USP33: variants seen among roughly 807,000 people sequenced by gnomAD.
The protein encoded by USP33 is ubiquitin carboxyl-terminal hydrolase 33.
Under a neutral mutation model 124.2 loss-of-function variants are expected in USP33, and 46 were observed. The observed-to-expected ratio is 0.37, with a 90% CI of 0.29 to 0.47. USP33 has a LOEUF of 0.47. USP33 is among the 20% of genes least tolerant of loss of function. The probability of loss-of-function intolerance (pLI) is 0.99; values close to 1 mark genes in which losing one functional copy is unlikely to be tolerated. For synonymous variants in USP33, 350 were observed against 352.3 expected (o/e 0.99, Z 0.07); for missense variants, 851 against 1,070.6 (o/e 0.79, Z 2.86).
At chr1:77,712,621 G>GAGCCCAGGAGTTCAAGATC (rs925903232) in intron 20 of USP33, among the ~76,000 whole-genome samples, 2 of 152,104 alleles carry the variant, frequency 1.3e-5, no homozygotes, top group African/African-American at 4.8e-5. Context: ...CACATGGCTT[G>GAGCCCAGGAGTTCAAGATC]AGCCCAGGAG....
chr1:77,718,568 A>AT (rs1557831584), intron 16 of USP33, 28 bp downstream of exon 16: 1 of 1,537,420 alleles, frequency 6.5e-7, no homozygotes, highest in South Asian at 1.2e-5. Flanking sequence ...ACCACACAAT[A>AT]TAAGTTGAAT....
chr1:77,729,268 T>C (rs1223783890), intron 9 of USP33, among the ~76,000 whole-genome samples: 4 of 151,640 alleles, frequency 2.6e-5, no homozygotes, highest in African/African-American at 9.7e-5. Flanking sequence ...TGCAGGGGCT[T>C]ATGCTTGTAA....
chr1:77,742,524 G>A (rs1570843374), intron 1 of USP33, among the ~76,000 whole-genome samples: 2 of 152,082 alleles, frequency 1.3e-5, no homozygotes, highest in East Asian at 3.9e-4. Flanking sequence ...CCTGAAATAG[G>A]CACCATTATT....
chr1:77,744,587 T>G (rs1023333420), intron 1 of USP33, among the ~76,000 whole-genome samples: 5 of 152,198 alleles, frequency 3.3e-5, no homozygotes, highest in Admixed American at 6.5e-5. Context: ...CTAATGCCTA[T>G]AATCCCAGCA....
intron 1 of USP33, chr1:77,745,757 T>G (rs572635021): frequency 4.7e-4 from 72 of 152,278 alleles, no homozygotes; most frequent in African/African-American, 1.7e-3. Flanking sequence ...ACATGGAAAC[T>G]GAACAACCTG....
In USP33 at chr1:77,717,973, A is replaced by G; in HGVS notation, c.1812T>C (p.Phe604=). The G allele has an allele frequency of 6.2e-7, 1 of 1,614,084 alleles. No homozygotes were observed. Among genetic ancestry groups the G allele is most frequent in the Non-Finnish European group, 8.5e-7 (1 of 1,179,966 alleles). ...FSTKISTHVS[F]PLEGLDLQPF... is the part of the protein sequence containing the mutation. ...GCTGAAGATCCAAGCCTTCTAGCGGAAATGAAACATGGGTACTGATTTTGG... is the reference window on the plus strand; with the variant it reads ...GCTGAAGATCCAAGCCTTCTAGCGGGAATGAAACATGGGTACTGATTTTGG... Residue 604 remains phenylalanine (F), a synonymous_variant, in exon 17 of 24, where the codon TTT becomes TTC. Coordinates refer to ENST00000370794, the MANE Select transcript of USP33 (RefSeq NM_201624.3).
chr1:77,740,534 TTA>T (rs1193423088), intron 4 of USP33, among the ~76,000 whole-genome samples: 3 of 152,122 alleles, frequency 2.0e-5, no homozygotes, highest in African/African-American at 7.2e-5. Flanking sequence ...TTTTGTACTT[TTA>T]ATAGAGACAG....
chr1:77,740,222 G>C (rs1345961801), intron 4 of USP33, among the ~76,000 whole-genome samples: 1 of 152,156 alleles, frequency 6.6e-6, no homozygotes, highest in Non-Finnish European at 1.5e-5. Flanking sequence ...CTATGTGCAG[G>C]AAAAGGCAAT....
At chr1:77,724,079 C>G (rs1313472210) in intron 11 of USP33, among the ~76,000 whole-genome samples, 2 of 151,842 alleles carry the variant, frequency 1.3e-5, no homozygotes, top group African/African-American at 4.8e-5. Flanking sequence ...GGGATGTTTA[C>G]TTAAATGTTT....
chr1:77,748,235 T>C (rs996748982), intron 1 of USP33, among the ~76,000 whole-genome samples: 2 of 152,224 alleles, frequency 1.3e-5, no homozygotes, highest in African/African-American at 2.4e-5. Flanking sequence ...TTTAATGCAT[T>C]TACCAGAACC....
intron 11 of USP33, 102 bp downstream of exon 11, chr1:77,725,520 A>G: frequency 6.9e-7 from 1 of 1,440,376 alleles, no homozygotes; most frequent in Non-Finnish European, 9.3e-7. Context: ...TTAAAAGATC[A>G]AATCATATTT....
chr1:77,715,468 G>A (rs148196224), intron 18 of USP33, among the ~76,000 whole-genome samples: 1,874 of 152,278 alleles, frequency 0.012, 42 homozygotes, highest in South Asian at 0.1. Flanking sequence ...GCCTCCCAAA[G>A]TGCTGGGATT....
chr1:77,715,076 ATCT>A (rs1675709175), intron 18 of USP33, among the ~76,000 whole-genome samples: 1 of 152,304 alleles, frequency 6.6e-6, no homozygotes, highest in South Asian at 2.1e-4. Flanking sequence ...AGAAGCTAGC[ATCT>A]TCTTTTATAA....
chr1:77,750,407 A>G (rs1570869472), intron 1 of USP33, among the ~76,000 whole-genome samples: 1 of 151,894 alleles, frequency 6.6e-6, no homozygotes, highest in Non-Finnish European at 1.5e-5. Context: ...CCAAGGCGGG[A>G]AGATCATTTG....
At chr1:77,706,831 A>G (rs779471286) in intron 21 of USP33, among the ~76,000 whole-genome samples, 1 of 152,218 alleles carries the variant, frequency 6.6e-6, no homozygotes, top group Non-Finnish European at 1.5e-5. Context: ...GGTAAAGGAA[A>G]TAAGAGAGCT....
intron 1 of USP33, among the ~76,000 whole-genome samples, chr1:77,748,667 C>CAAAAA (rs796272242): frequency 2.5e-4 from 21 of 84,032 alleles, no homozygotes; most frequent in African/African-American, 8.9e-4. Flanking sequence ...GACTCCGTCT[C>CAAAAA]AAAAAAAAAA....
chr1:77,750,356 C>T (rs1167732378), intron 1 of USP33, among the ~76,000 whole-genome samples: 2 of 151,514 alleles, frequency 1.3e-5, no homozygotes, highest in Non-Finnish European at 2.9e-5. Context: ...TGGGCAGCCA[C>T]GCATGACAGC....
rs1439979505 is a variant in USP33 at position 77,728,638 on chromosome 1, T to C, written c.792A>G (p.Glu264=). ...EELKEQVMEV[E]EDPQTITTEE... ...CAGTGGTTATGGTTTGCGGATCTTC[T>C]TCTACTTCCATGACTTGCTCTTTCA... The change falls in exon 10 of 24, where the codon GAA becomes GAG. Residue 264 remains glutamate, a synonymous_variant. Coordinates refer to ENST00000370794, the MANE Select transcript of USP33 (RefSeq NM_201624.3). The C allele has an allele frequency of 1.2e-6, 2 of 1,614,150 alleles. No homozygotes were observed. Among genetic ancestry groups the C allele is most frequent in the East Asian group, 2.2e-5 (1 of 44,872 alleles).
intron 1 of USP33, among the ~76,000 whole-genome samples, chr1:77,750,146 C>T (rs1570868472): frequency 1.3e-5 from 2 of 152,026 alleles, no homozygotes; most frequent in African/African-American, 2.4e-5. Flanking sequence ...GGCAAAACCC[C>T]TTCTTTACTA....
Sources: allele counts gnomAD v4.1 joint callset (sites outside exome capture counted in the v4.1 genomes callset), GRCh38; gene constraint gnomAD v4.1.1; transcripts MANE v1.5; gene names NCBI Gene and HGNC (gene_info 2026-07-23, HGNC 2026-07-21).